The following PPP1R12B variants were observed in gnomAD, a reference collection of about 807,000 sequenced individuals.
The protein encoded by PPP1R12B is protein phosphatase 1 regulatory subunit 12B.
Under a neutral mutation model 126.1 loss-of-function variants are expected in PPP1R12B, and 76 were observed. The observed-to-expected ratio is 0.60, with a 90% CI of 0.50 to 0.73. PPP1R12B has a LOEUF of 0.73. Ranked by LOEUF, PPP1R12B falls within the 30% of genes least tolerant of loss-of-function variation. The pLI is 0.00. For synonymous variants in PPP1R12B, 356 were observed against 434.7 expected (o/e 0.82, Z 2.25); for missense variants, 1,052 against 1,205.1 (o/e 0.87, Z 1.88).
rs1367154567 is a variant in PPP1R12B at position 202,582,950 on chromosome 1, G to C, written c.*2390G>C. ...ACAGAACAGGAGATATGTTTCCTCT[G>C]ACAAAACCCCATTTTTAGAGTGTAT... On this transcript the variant is annotated 3_prime_UTR_variant, in exon 24 of 24. Transcript: ENST00000608999. 4 of 152,074 alleles carry C rather than the reference G, an allele frequency of 2.6e-5. No individual in the cohort carries two copies. The highest frequency in any genetic ancestry group is 5.9e-5 in the Non-Finnish European group (4 of 68,008). The allele number at this position is 152,074 out of a possible 1,614,324, so 9.4% of individuals were successfully genotyped here.
chr1:202,427,004 A>G (rs1360668576), intron 4 of PPP1R12B, 36 bp from the exon 5 acceptor site: 10 of 1,599,316 alleles, frequency 6.3e-6, no homozygotes, highest in Non-Finnish European at 8.5e-6. Context: ...TGTAATATAC[A>G]GAAGATATAT....
In PPP1R12B at chr1:202,531,221, C is replaced by T. The variant is rs114905772; in HGVS notation, c.2491-27656C>T. Among the ~76,000 whole-genome samples the T allele has an allele frequency of 2.9e-3, 445 of 152,302 alleles. 3 individuals carry two copies. Among genetic ancestry groups the T allele is most frequent in the African/African-American group, 9.7e-3 (401 of 41,554 alleles). On this transcript the variant is annotated intron_variant, in intron 18 of 23. Transcript: ENST00000608999. Reference sequence around the variant, plus strand: ...TTCTAAGTACCCAGTAATAAAACGTCGCTATAAAAGCATAGAATAGTAAAT... The same window carrying T: ...TTCTAAGTACCCAGTAATAAAACGTTGCTATAAAAGCATAGAATAGTAAAT...
At chr1:202,386,218 G>A (rs1479197500) in intron 1 of PPP1R12B, among the ~76,000 whole-genome samples, 5 of 151,990 alleles carry the variant, frequency 3.3e-5, no homozygotes, top group Non-Finnish European at 7.4e-5. Flanking sequence ...GTGAGCCACC[G>A]CACCCAGCCA....
intron 18 of PPP1R12B, among the ~76,000 whole-genome samples, chr1:202,547,007 A>C (rs1685716057): frequency 6.7e-6 from 1 of 150,302 alleles, no homozygotes. Context: ...ATTGTGGTCA[A>C]ACTTATGTTA....
At chr1:202,396,799 G>C (rs2148545051) in intron 1 of PPP1R12B, among the ~76,000 whole-genome samples, 1 of 152,210 alleles carries the variant, frequency 6.6e-6, no homozygotes, top group Non-Finnish European at 1.5e-5. Flanking sequence ...TTTTTGTAGA[G>C]ATGGGGTTTC....
At chr1:202,406,141 G>A (rs1666571225) in intron 1 of PPP1R12B, among the ~76,000 whole-genome samples, 2 of 152,146 alleles carry the variant, frequency 1.3e-5, no homozygotes, top group South Asian at 4.1e-4. Context: ...TGAAACACTT[G>A]TTTATGGGCA....
intron 3 of PPP1R12B, among the ~76,000 whole-genome samples, chr1:202,425,076 A>T (rs1157764907): frequency 2.6e-5 from 4 of 152,212 alleles, no homozygotes; most frequent in Non-Finnish European, 2.9e-5. Flanking sequence ...GACCCAGGAT[A>T]TCGGAGTTCT....
intron 13 of PPP1R12B, among the ~76,000 whole-genome samples, chr1:202,470,163 CT>C (rs1377678825): frequency 6.6e-6 from 1 of 152,152 alleles, no homozygotes; most frequent in Non-Finnish European, 1.5e-5. Context: ...TAACACGGTT[CT>C]TTTCCTGATT....
intron 18 of PPP1R12B, among the ~76,000 whole-genome samples, chr1:202,534,937 T>C (rs1351533735): frequency 6.6e-6 from 1 of 152,212 alleles, no homozygotes; most frequent in Admixed American, 6.5e-5. Flanking sequence ...ATTTGGATTC[T>C]TACATATATT....
intron 18 of PPP1R12B, among the ~76,000 whole-genome samples, chr1:202,551,265 A>G (rs1397619774): frequency 6.6e-6 from 1 of 152,180 alleles, no homozygotes; most frequent in Non-Finnish European, 1.5e-5. Flanking sequence ...ATATGTATTA[A>G]GTAGTCAGTA....
At chr1:202,399,541 G>C (rs1665509897) in intron 1 of PPP1R12B, among the ~76,000 whole-genome samples, 1 of 150,580 alleles carries the variant, frequency 6.6e-6, no homozygotes, top group African/African-American at 2.4e-5. Context: ...CTGTCGCCCA[G>C]GCTGGAGTGC....
intron 18 of PPP1R12B, among the ~76,000 whole-genome samples, chr1:202,532,356 C>G (rs1490326126): frequency 6.6e-6 from 1 of 152,190 alleles, no homozygotes; most frequent in East Asian, 1.9e-4. Context: ...TGCTGACCTC[C>G]TGTCTCATCC....
intron 21 of PPP1R12B, among the ~76,000 whole-genome samples, chr1:202,566,097 G>A (rs558029915): frequency 6.6e-6 from 1 of 152,316 alleles, no homozygotes; most frequent in East Asian, 1.9e-4. Flanking sequence ...AGTTTCACCT[G>A]CTCCCCACTC....
At chr1:202,467,455 A>G (rs1432844096) in intron 13 of PPP1R12B, among the ~76,000 whole-genome samples, 3 of 150,834 alleles carry the variant, frequency 2.0e-5, no homozygotes, top group Non-Finnish European at 2.9e-5. Context: ...ATTCCCACCT[A>G]TGAGTGAGAA....
intron 19 of PPP1R12B, among the ~76,000 whole-genome samples, chr1:202,559,431 G>A (rs998459928): frequency 6.6e-6 from 1 of 152,134 alleles, no homozygotes; most frequent in Non-Finnish European, 1.5e-5. Flanking sequence ...TTTGTTGAAT[G>A]AACAAACTAA....
intron 20 of PPP1R12B, among the ~76,000 whole-genome samples, chr1:202,564,153 T>C (rs1213335341): frequency 6.6e-6 from 1 of 152,132 alleles, no homozygotes; most frequent in Non-Finnish European, 1.5e-5. Context: ...CAAAAAAAAA[T>C]TGTCTTTTTC....
chr1:202,408,610 TCATTCTCCCA>T (rs1666951973), intron 1 of PPP1R12B, among the ~76,000 whole-genome samples: 1 of 152,234 alleles, frequency 6.6e-6, no homozygotes, highest in Middle Eastern at 3.4e-3. Context: ...AATTATTCAA[TCATTCTCCCA>T]CAGTTCTGGA....
intron 18 of PPP1R12B, among the ~76,000 whole-genome samples, chr1:202,536,215 G>A (rs748436597): frequency 1.1e-4 from 17 of 152,046 alleles, no homozygotes; most frequent in Admixed American, 2.0e-4. Flanking sequence ...AGGCAATTTC[G>A]TCCCTGAGCA....
intron 4 of PPP1R12B, 47 bp downstream of exon 4, chr1:202,425,772 G>A (rs769820398): frequency 1.6e-5 from 25 of 1,541,108 alleles, no homozygotes; most frequent in Non-Finnish European, 2.1e-5. Flanking sequence ...GGGAGAAGAT[G>A]GAATAGGTTT....
Sources: gnomAD v4.1 joint callset for allele counts (sites outside exome capture counted in the v4.1 genomes callset) on GRCh38, gnomAD v4.1.1 for gene constraint, MANE v1.5 for transcripts, NCBI Gene and HGNC (gene_info 2026-07-23, HGNC 2026-07-21) for gene names.